ATP6V1A: variants seen among roughly 807,000 people sequenced by gnomAD.
ATP6V1A encodes the protein V-type proton ATPase catalytic subunit A.
A neutral mutation model predicts 70.1 loss-of-function variants in ATP6V1A; 18 were observed. The ratio of observed to expected loss-of-function variants is 0.26; its 90% CI spans 0.18 to 0.38. The LOEUF is 0.38. Ranked by LOEUF, ATP6V1A falls within the 10% of genes least tolerant of loss-of-function variation. The pLI is 1.00. For synonymous variants in ATP6V1A, 232 were observed against 253.8 expected, an observed-to-expected ratio of 0.91 and a Z score of 0.82; for missense variants, 424 against 772.4, an observed-to-expected ratio of 0.55 and a Z score of 5.35.
intron 1 of ATP6V1A, among the ~76,000 whole-genome samples, chr3:113,773,695 G>T (rs1708876823): frequency 1.3e-5 from 2 of 152,100 alleles, no homozygotes; most frequent in Admixed American, 6.6e-5. Context: ...TGAACCACAG[G>T]TTTCAACCAT....
intron 3 of ATP6V1A, 132 bp from the exon 4 acceptor site, chr3:113,784,092 C>A: frequency 1.3e-6 from 1 of 768,866 alleles, no homozygotes; most frequent in Non-Finnish European, 2.1e-6. Flanking sequence ...CACTATGAAT[C>A]CTGTGAACTG....
chr3:113,749,554 A>C (rs528620794), intron 1 of ATP6V1A, among the ~76,000 whole-genome samples: 3 of 152,272 alleles, frequency 2.0e-5, no homozygotes, highest in East Asian at 3.9e-4. Flanking sequence ...GTAGCCACTC[A>C]GTCCTATAGA....
intron 1 of ATP6V1A, among the ~76,000 whole-genome samples, chr3:113,762,947 C>T (rs1431004552): frequency 6.6e-6 from 1 of 152,042 alleles, no homozygotes; most frequent in Non-Finnish European, 1.5e-5. Context: ...AAGGCTTGAA[C>T]ATCTTTAAGG....
At chr3:113,771,525 C>T (rs1337231699) in intron 1 of ATP6V1A, among the ~76,000 whole-genome samples, 1 of 149,852 alleles carries the variant, frequency 6.7e-6, no homozygotes, top group Non-Finnish European at 1.5e-5. Flanking sequence ...GCAAGCTCCG[C>T]CTCCCGGGTT....
intron 8 of ATP6V1A, among the ~76,000 whole-genome samples, chr3:113,791,577 G>T (rs1709092903): frequency 6.6e-6 from 1 of 152,040 alleles, no homozygotes; most frequent in Non-Finnish European, 1.5e-5. Context: ...CTGTGACTGT[G>T]TACCAGGGTA....
chr3:113,762,693 C>T (rs912339559), intron 1 of ATP6V1A, among the ~76,000 whole-genome samples: 1 of 152,106 alleles, frequency 6.6e-6, no homozygotes, highest in African/African-American at 2.4e-5. Flanking sequence ...TTGCTGATGA[C>T]AGTCCTTGGC....
chr3:113,806,780 C>T (rs750010891), intron 14 of ATP6V1A, among the ~76,000 whole-genome samples: 8 of 152,016 alleles, frequency 5.3e-5, no homozygotes, highest in Non-Finnish European at 1.2e-4. Context: ...TTTTAAGTGG[C>T]CTCTTGTTCT....
At chr3:113,763,401 T>C (rs1353356345) in intron 1 of ATP6V1A, among the ~76,000 whole-genome samples, 1 of 152,232 alleles carries the variant, frequency 6.6e-6, no homozygotes, top group African/African-American at 2.4e-5. Context: ...CATGTATTCT[T>C]ATAGAGTAGC....
At chr3:113,769,917 A>G (rs1032387352) in intron 1 of ATP6V1A, among the ~76,000 whole-genome samples, 6 of 152,240 alleles carry the variant, frequency 3.9e-5, no homozygotes, top group Admixed American at 2.0e-4. Context: ...ACACAGTTGA[A>G]GTCAAAACAG....
At position 113,784,296 on chromosome 3, in the gene ATP6V1A, T is replaced by C. The variant is rs777035513; in HGVS notation, c.284T>C (p.Met95Thr). 2 of 1,614,202 alleles carry C rather than the reference T, an allele frequency of 1.2e-6. No homozygotes were observed. The highest frequency in any genetic ancestry group is 1.7e-6 in the Non-Finnish European group (2 of 1,180,018). ...TCTGTAGAGCTTGGTCCTGGCATTATGGGAGCCATTTTTGATGGTATTCAA... is the reference window on the plus strand; with the variant it reads ...TCTGTAGAGCTTGGTCCTGGCATTACGGGAGCCATTTTTGATGGTATTCAA... ...PLSVELGPGI[M>T]GAIFDGIQRP... is the part of the protein sequence containing the mutation. Residue 95 changes from methionine (M) to threonine (T), a missense_variant, in exon 4 of 15, where the codon ATG (methionine) becomes ACG (threonine). Physicochemically the swap from Met to Thr is moderately conservative, Grantham distance 81. Around this residue, in one of 9 missense-constraint regions of ATP6V1A, gnomAD observed 139 missense variants for 163.5 expected, o/e 0.85. Transcript: ENST00000273398.
chr3:113,780,301 A>G (rs1474833630), intron 2 of ATP6V1A, among the ~76,000 whole-genome samples: 2 of 152,204 alleles, frequency 1.3e-5, no homozygotes, highest in African/African-American at 2.4e-5. Context: ...AATATTAAAA[A>G]TTGGTTTATT....
intron 1 of ATP6V1A, among the ~76,000 whole-genome samples, chr3:113,757,965 GAA>G (rs1708663535): frequency 6.6e-6 from 1 of 152,180 alleles, no homozygotes; most frequent in Admixed American, 6.5e-5. Flanking sequence ...CCAACATGGT[GAA>G]ACCCCATCTC....
intron 6 of ATP6V1A, among the ~76,000 whole-genome samples, chr3:113,787,073 C>T (rs1709047369): frequency 6.6e-6 from 1 of 152,172 alleles, no homozygotes; most frequent in African/African-American, 2.4e-5. Flanking sequence ...AGCCATTGCA[C>T]CCGGCCACCA....
At chr3:113,778,256 T>C (rs1203702580) in intron 1 of ATP6V1A, among the ~76,000 whole-genome samples, 1 of 152,084 alleles carries the variant, frequency 6.6e-6, no homozygotes, top group East Asian at 1.9e-4. Context: ...TAGCCAGGTA[T>C]GGTCACGTGC....
At chr3:113,748,650 A>G (rs1708550895) in intron 1 of ATP6V1A, among the ~76,000 whole-genome samples, 1 of 152,262 alleles carries the variant, frequency 6.6e-6, no homozygotes, top group African/African-American at 2.4e-5. Flanking sequence ...GCAGTTTAAC[A>G]AAGTATTTTT....
intron 1 of ATP6V1A, among the ~76,000 whole-genome samples, chr3:113,747,930 A>G (rs1708541943): frequency 6.6e-6 from 1 of 152,184 alleles, no homozygotes; most frequent in African/African-American, 2.4e-5. Context: ...GGTTGGAAAT[A>G]GTTAAACCAA....
chr3:113,755,742 A>C (rs1484989837), intron 1 of ATP6V1A, among the ~76,000 whole-genome samples: 1 of 152,224 alleles, frequency 6.6e-6, no homozygotes, highest in Admixed American at 6.5e-5. Context: ...TGGGTAATAC[A>C]TGTACAAATA....
chr3:113,798,359 C>A lies in ATP6V1A; in HGVS notation c.1407C>A (p.Phe469Leu). 1 of 1,613,942 alleles carries A rather than the reference C, an allele frequency of 6.2e-7. No individual in the cohort carries two copies. The change falls in exon 12 of 15, where the codon TTC becomes TTA. Residue 469 changes from phenylalanine to leucine, a missense_variant. Phe to Leu is a conservative substitution (Grantham distance 22). Around this residue, in one of 9 missense-constraint regions of ATP6V1A, gnomAD observed 127 missense variants for 207.9 expected, o/e 0.61. Coordinates refer to ENST00000273398, the MANE Select transcript of ATP6V1A (RefSeq NM_001690.4). ...RALDEYYDKH[F>L]TEFVPLRTKA... ...TGGATGAATACTATGACAAACACTT[C>A]ACAGAGTTCGTTCCTCTGAGGACGA...
intron 14 of ATP6V1A, among the ~76,000 whole-genome samples, chr3:113,806,013 C>T (rs1052064843): frequency 1.3e-5 from 2 of 152,142 alleles, no homozygotes; most frequent in African/African-American, 4.8e-5. Context: ...GTTCTCATGC[C>T]TGTAATCCCA....
Sources: allele counts gnomAD v4.1 joint callset (sites outside exome capture counted in the v4.1 genomes callset), GRCh38; gene constraint gnomAD v4.1.1; regional missense constraint gnomAD v4.1.1; transcripts MANE v1.5; gene names NCBI Gene and HGNC (gene_info 2026-07-23, HGNC 2026-07-21).